The following ATP8A2 variants were observed in gnomAD, a reference collection of about 807,000 sequenced individuals.
The protein encoded by ATP8A2 is phospholipid-transporting ATPase IB.
ATP8A2 carries 100 observed loss-of-function variants against 165.6 expected under a neutral mutation model. That is an observed-to-expected ratio of 0.60 (90% CI 0.51 to 0.71). The LOEUF (loss-of-function observed/expected upper bound fraction) is 0.71. Ranked by LOEUF, ATP8A2 falls within the 30% of genes least tolerant of loss-of-function variation. The probability of loss-of-function intolerance (pLI) is 0.00; values close to 1 mark genes in which losing one functional copy is unlikely to be tolerated. For missense variants in ATP8A2, 1,227 were observed against 1,479.5 expected (o/e 0.83, Z 2.80); for synonymous variants, 543 against 548.8 (o/e 0.99, Z 0.15).
intron 1 of ATP8A2, among the ~76,000 whole-genome samples, chr13:25,462,010 C>T (rs2035518403): frequency 6.6e-6 from 1 of 152,166 alleles, no homozygotes; most frequent in South Asian, 2.1e-4. Flanking sequence ...ATAAGGAAAC[C>T]AAGGCTCAGA....
At chr13:25,702,354 A>C (rs1186132698) in intron 25 of ATP8A2, among the ~76,000 whole-genome samples, 1 of 152,098 alleles carries the variant, frequency 6.6e-6, no homozygotes, top group Non-Finnish European at 1.5e-5. Flanking sequence ...AATTTATTAA[A>C]TATTTTGCTG....
chr13:25,712,181 G>C (rs755557483), intron 25 of ATP8A2, among the ~76,000 whole-genome samples: 7 of 152,170 alleles, frequency 4.6e-5, no homozygotes, highest in Non-Finnish European at 1.0e-4. Flanking sequence ...AAGTTACTTT[G>C]CTTCAACCAG....
chr13:25,752,414 T>C (rs1213756219), intron 25 of ATP8A2, among the ~76,000 whole-genome samples: 3 of 151,892 alleles, frequency 2.0e-5, no homozygotes, highest in Admixed American at 6.6e-5. Context: ...GCCGAGATCA[T>C]ACTCTTGCAC....
At chr13:25,987,078 A>G (rs1956292156) in intron 35 of ATP8A2, among the ~76,000 whole-genome samples, 1 of 152,214 alleles carries the variant, frequency 6.6e-6, no homozygotes, top group South Asian at 2.1e-4. Flanking sequence ...CTCATTCTTT[A>G]AAAAACTCAT....
intron 34 of ATP8A2, among the ~76,000 whole-genome samples, chr13:25,965,900 A>T (rs1955765812): frequency 6.6e-6 from 1 of 152,176 alleles, no homozygotes. Flanking sequence ...GATTTCTTTT[A>T]ACTTTCTAAC....
chr13:25,737,065 G>T (rs958045457), intron 25 of ATP8A2, among the ~76,000 whole-genome samples: 2 of 152,108 alleles, frequency 1.3e-5, no homozygotes, highest in African/African-American at 4.8e-5. Context: ...TTTTAGTGGA[G>T]GGTGGGGCAG....
chr13:25,495,260 C>T (rs2036640140), intron 2 of ATP8A2, among the ~76,000 whole-genome samples: 2 of 152,052 alleles, frequency 1.3e-5, no homozygotes, highest in Non-Finnish European at 2.9e-5. Context: ...TTGGAAATGG[C>T]CTGTGTAAGA....
chr13:25,379,923 T>G (rs2032777983), intron 1 of ATP8A2, among the ~76,000 whole-genome samples: 1 of 152,198 alleles, frequency 6.6e-6, no homozygotes, highest in Non-Finnish European at 1.5e-5. Context: ...TCGATTGAAC[T>G]CTTCTACTGT....
At chr13:25,651,162 C>T (rs1466063035) in intron 24 of ATP8A2, among the ~76,000 whole-genome samples, 4 of 152,100 alleles carry the variant, frequency 2.6e-5, no homozygotes, top group Admixed American at 6.6e-5. Context: ...TAAGATTATT[C>T]GGCCAGGCGT....
At chr13:25,861,790 A>G (rs1370851435) in intron 32 of ATP8A2, among the ~76,000 whole-genome samples, 1 of 152,232 alleles carries the variant, frequency 6.6e-6, no homozygotes, top group Non-Finnish European at 1.5e-5. Context: ...GACAAAGAAG[A>G]AAAAATGAAC....
chr13:25,945,656 TGGG>T (rs1292335240), intron 33 of ATP8A2, among the ~76,000 whole-genome samples: 1 of 152,150 alleles, frequency 6.6e-6, no homozygotes, highest in Non-Finnish European at 1.5e-5. Flanking sequence ...AGAATCCCTG[TGGG>T]GGTGCAACAA....
intron 25 of ATP8A2, among the ~76,000 whole-genome samples, chr13:25,755,475 C>A (rs759203290): frequency 3.9e-5 from 6 of 152,140 alleles, no homozygotes; most frequent in African/African-American, 7.2e-5. Context: ...CAAAGCATTC[C>A]GTTGAATGTA....
chr13:25,582,916 A>T (rs2039815294), intron 23 of ATP8A2, among the ~76,000 whole-genome samples: 1 of 152,206 alleles, frequency 6.6e-6, no homozygotes. Context: ...CTTGTCAGGG[A>T]TATAGCTAAT....
intron 27 of ATP8A2, among the ~76,000 whole-genome samples, chr13:25,790,222 A>G (rs981322090): frequency 1.3e-5 from 2 of 152,228 alleles, no homozygotes; most frequent in Non-Finnish European, 2.9e-5. Context: ...AAAATTGACA[A>G]ATGGGATCTA....
intron 25 of ATP8A2, among the ~76,000 whole-genome samples, chr13:25,739,268 T>C (rs962500454): frequency 2.0e-5 from 3 of 152,248 alleles, no homozygotes; most frequent in African/African-American, 7.2e-5. Context: ...GGAGCTGCTG[T>C]CTGCTCATCA....
intron 2 of ATP8A2, among the ~76,000 whole-genome samples, chr13:25,509,343 A>G (rs2037146857): frequency 6.6e-6 from 1 of 152,228 alleles, no homozygotes; most frequent in Non-Finnish European, 1.5e-5. Context: ...AAGCTTTACC[A>G]AAAGATCAAT....
chr13:25,533,865 A>G (rs931316620), intron 6 of ATP8A2, among the ~76,000 whole-genome samples: 18 of 152,166 alleles, frequency 1.2e-4, no homozygotes, highest in African/African-American at 4.3e-4. Context: ...TTTAGAAGAA[A>G]TCTGCCATAC....
chr13:25,565,978 G>T (rs1455109827), intron 16 of ATP8A2, among the ~76,000 whole-genome samples: 1 of 151,900 alleles, frequency 6.6e-6, no homozygotes, highest in African/African-American at 2.4e-5. Flanking sequence ...AAAATTTCTA[G>T]ATTTAAAATT....
At chr13:25,614,864 G>C (rs1251715321) in intron 24 of ATP8A2, among the ~76,000 whole-genome samples, 1 of 152,224 alleles carries the variant, frequency 6.6e-6, no homozygotes, top group African/African-American at 2.4e-5. Flanking sequence ...CTGTCTACAG[G>C]TCTCTCAGCC....
Sources: allele counts gnomAD v4.1 joint callset (sites outside exome capture counted in the v4.1 genomes callset), GRCh38; gene constraint gnomAD v4.1.1; transcripts MANE v1.5; gene names NCBI Gene and HGNC (gene_info 2026-07-23, HGNC 2026-07-21).